The following SLC30A5 variants were observed in gnomAD, a reference collection of about 807,000 sequenced individuals.
SLC30A5 encodes proton-coupled zinc antiporter SLC30A5.
SLC30A5 carries 33 observed loss-of-function variants against 79.6 expected under a neutral mutation model. The observed-to-expected ratio is 0.41, with a 90% CI of 0.31 to 0.55. SLC30A5 has a LOEUF of 0.55. Ranked by LOEUF, SLC30A5 falls within the 20% of genes least tolerant of loss-of-function variation. SLC30A5 has a pLI of 0.20. For synonymous variants in SLC30A5, 299 were observed against 319.7 expected (o/e 0.94, Z 0.69); for missense variants, 788 against 928.1 (o/e 0.85, Z 1.96).
At chr5:69,097,895 A>G (rs1745791636) in intron 1 of SLC30A5, among the ~76,000 whole-genome samples, 1 of 152,120 alleles carries the variant, frequency 6.6e-6, no homozygotes, top group African/African-American at 2.4e-5. Context: ...AAGATGAAAA[A>G]CCAGGCTAAG....
At chr5:69,124,478 A>G (rs1411194166) in intron 14 of SLC30A5, among the ~76,000 whole-genome samples, 1 of 152,180 alleles carries the variant, frequency 6.6e-6, no homozygotes, top group Non-Finnish European at 1.5e-5. Context: ...GTGGGGAAAA[A>G]AAAGCTATAT....
chr5:69,101,186 TTTA>T (rs150226169), intron 2 of SLC30A5, among the ~76,000 whole-genome samples: 6 of 152,040 alleles, frequency 3.9e-5, no homozygotes, highest in Admixed American at 6.6e-5. Flanking sequence ...TTTTGGGCTA[TTTA>T]TTATTATTAT....
At chr5:69,096,334 A>G (rs1474244851) in intron 1 of SLC30A5, among the ~76,000 whole-genome samples, 2 of 152,244 alleles carry the variant, frequency 1.3e-5, no homozygotes, top group African/African-American at 4.8e-5. Context: ...TAAACTGGAA[A>G]TTATTTTTAA....
At chr5:69,115,160 AAAAAAG>A in intron 7 of SLC30A5, 71 bp from the exon 8 acceptor site, 6 of 809,408 alleles carry the variant, frequency 7.4e-6, no homozygotes, top group Admixed American at 5.9e-5. Flanking sequence ...AAAAAAAAAA[AAAAAAG>A]ATCATGTATT....
intron 14 of SLC30A5, among the ~76,000 whole-genome samples, chr5:69,125,898 T>TAAAAAAAAAAAAAAAAAAA (rs1167851324): frequency 2.0e-5 from 2 of 102,512 alleles, no homozygotes; most frequent in Non-Finnish European, 1.8e-5. Flanking sequence ...AAAAAAAAAT[T>TAAAAAAAAAAAAAAAAAAA]AGCTGGGTGT....
intron 15 of SLC30A5, among the ~76,000 whole-genome samples, chr5:69,128,736 TAA>T (rs1448296605): frequency 6.6e-6 from 1 of 152,188 alleles, no homozygotes; most frequent in Non-Finnish European, 1.5e-5. Flanking sequence ...TATCAAAAAA[TAA>T]GTTATTATAA....
rs1746788655 is a variant in SLC30A5 at position 69,129,372 on chromosome 5, A to G, written c.2128-75A>G. The G allele has an allele frequency of 7.5e-6, 8 of 1,071,322 alleles. No individual in the cohort carries two copies. The South Asian group carries it at 1.1e-4, about 14-fold the overall frequency. 66.4% of individuals were successfully genotyped at this position (1,071,322 alleles called of 1,614,324 possible). On this transcript the variant is annotated intron_variant, in intron 15 of 15. Transcript: ENST00000396591. ...TAAAGATACTCAACCCGTATCAACTATGTACAGCATATTAAGACGTGTGTA... is the reference window on the plus strand; with the variant it reads ...TAAAGATACTCAACCCGTATCAACTGTGTACAGCATATTAAGACGTGTGTA...
rs61761950 is a variant in SLC30A5, at chr5:69,116,129, G to T, written c.987G>T (p.Arg329=). 740 of 1,614,062 alleles carry T rather than the reference G, an allele frequency of 4.6e-4. 2 individuals are homozygous for T. Among genetic ancestry groups the T allele is most frequent in the Admixed American group, 1.7e-3 (102 of 60,000 alleles). ...FWTHPITDQL[R]AMNKAAHQES... Reference sequence around the variant, plus strand: ...CACATCCAATAACAGACCAGCTTCGGGCTATGAACAAAGCAGCACACCAGG... The same window carrying T: ...CACATCCAATAACAGACCAGCTTCGTGCTATGAACAAAGCAGCACACCAGG... Residue 329 remains arginine, a synonymous_variant, in exon 9 of 16, where the codon CGG becomes CGT. Transcript: ENST00000396591. This position sits in a 1 kb window ranked among gnomAD's most constrained non-coding sequence, Gnocchi z 4.0.
intron 3 of SLC30A5, chr5:69,104,143 TCTTTC>T: frequency 7.5e-7 from 1 of 1,327,614 alleles, no homozygotes; most frequent in Non-Finnish European, 9.9e-7. Flanking sequence ...TTTTTTTTTT[TCTTTC>T]TTTTTTTGAG....
At chr5:69,102,095 G>A (rs755776563) in intron 2 of SLC30A5, among the ~76,000 whole-genome samples, 2 of 132,986 alleles carry the variant, frequency 1.5e-5, no homozygotes, top group East Asian at 4.4e-4. Context: ...GCTAGGTTGC[G>A]CAGGCTGGAG....
intron 12 of SLC30A5, among the ~76,000 whole-genome samples, chr5:69,121,183 T>C (rs1746524875): frequency 6.6e-6 from 1 of 152,102 alleles, no homozygotes; most frequent in Admixed American, 6.5e-5. Context: ...ATTACTATTG[T>C]ATGTTTCCTT....
chr5:69,115,531 C>T, intron 8 of SLC30A5, 124 bp downstream of exon 8: 3 of 780,120 alleles, frequency 3.8e-6, no homozygotes, highest in Non-Finnish European at 5.7e-6. Context: ...CTTAAATTGT[C>T]TTTGCTTTTT....
chr5:69,103,116 T>C lies in SLC30A5; in HGVS notation c.261T>C (p.Ile87=), dbSNP rs757646636. The C allele has an allele frequency of 4.7e-5, 74 of 1,588,438 alleles. 1 individual carries two copies. In the South Asian group the frequency reaches 7.3e-4, roughly 16 times the overall value. The change falls in exon 3 of 16, where the codon ATT becomes ATC. Residue 87 remains isoleucine (I), a synonymous_variant. Transcript: ENST00000396591. ...AGCCATTTTCTTCTGGGAAAACTATTACCAAACACCAGGTAAGATTTTTGC... is the reference window on the plus strand; with the variant it reads ...AGCCATTTTCTTCTGGGAAAACTATCACCAAACACCAGGTAAGATTTTTGC... ...FQKPFSSGKT[I]TKHQWIKIFK...
At chr5:69,102,050 CTTTTTTTTTTTT>C (rs758327246) in intron 2 of SLC30A5, among the ~76,000 whole-genome samples, 3 of 99,390 alleles carry the variant, frequency 3.0e-5, no homozygotes, top group Non-Finnish European at 5.7e-5. Flanking sequence ...CAGTGACGTG[CTTTTTTTTTTTT>C]TTTTTTTTTT....
At chr5:69,098,751 A>G (rs565497992) in intron 1 of SLC30A5, among the ~76,000 whole-genome samples, 8 of 152,322 alleles carry the variant, frequency 5.3e-5, no homozygotes, top group African/African-American at 1.9e-4. Flanking sequence ...CAAGGATACC[A>G]CTTCTTAGTT....
At chr5:69,112,251 C>T (rs1056965502) in intron 5 of SLC30A5, among the ~76,000 whole-genome samples, 2 of 151,402 alleles carry the variant, frequency 1.3e-5, no homozygotes, top group East Asian at 1.9e-4. Flanking sequence ...GAGCCGAGAT[C>T]GTGCCATTGC....
At chr5:69,107,249 C>T (rs1746103213) in intron 4 of SLC30A5, among the ~76,000 whole-genome samples, 1 of 152,326 alleles carries the variant, frequency 6.6e-6, no homozygotes, top group Admixed American at 6.5e-5. Flanking sequence ...TCTACCTCCA[C>T]ATCTTGTCCC....
At chr5:69,112,917 G>A (rs1746270458) in intron 5 of SLC30A5, among the ~76,000 whole-genome samples, 1 of 152,156 alleles carries the variant, frequency 6.6e-6, no homozygotes, top group Non-Finnish European at 1.5e-5. Flanking sequence ...TTAGCAAAGA[G>A]ATAATCAATG....
intron 14 of SLC30A5, among the ~76,000 whole-genome samples, chr5:69,124,649 C>T (rs1746626909): frequency 6.6e-6 from 1 of 152,130 alleles, no homozygotes; most frequent in African/African-American, 2.4e-5. Context: ...AATCCCAGCT[C>T]ACTGCAACCT....
Sources: allele counts gnomAD v4.1 joint callset (sites outside exome capture counted in the v4.1 genomes callset), GRCh38; gene constraint gnomAD v4.1.1; non-coding constraint Gnocchi (gnomAD v3.1); transcripts MANE v1.5; gene names NCBI Gene and HGNC (gene_info 2026-07-23, HGNC 2026-07-21).